CCDC171: variants seen among roughly 807,000 people sequenced by gnomAD.
The protein encoded by CCDC171 is coiled-coil domain-containing protein 171.
Under a neutral mutation model 168.2 loss-of-function variants are expected in CCDC171, and 177 were observed. That is an observed-to-expected ratio of 1.05 (90% CI 0.93 to 1.19). The LOEUF (loss-of-function observed/expected upper bound fraction) is 1.19, where lower values mean the gene tolerates loss of function less well. Among genes scored for constraint, CCDC171 ranks in the 50% most tolerant of loss-of-function variants. The pLI is 0.00. For missense variants in CCDC171, 1,991 were observed against 1,539.0 expected, an observed-to-expected ratio of 1.29 and a Z score of -4.91; for synonymous variants, 687 against 540.8, an observed-to-expected ratio of 1.27 and a Z score of -3.75.
At chr9:15,969,862 T>A (rs1478674760) in intron 25 of CCDC171, among the ~76,000 whole-genome samples, 1 of 152,172 alleles carries the variant, frequency 6.6e-6, no homozygotes, top group Non-Finnish European at 1.5e-5. Context: ...AAAATGCAGA[T>A]GTGTACACCT....
intron 21 of CCDC171, among the ~76,000 whole-genome samples, chr9:15,806,216 G>T (rs1470599117): frequency 1.3e-5 from 2 of 152,146 alleles, no homozygotes; most frequent in South Asian, 2.1e-4. Flanking sequence ...TTCAATTGGG[G>T]CATTTAGCCC....
intron 18 of CCDC171, among the ~76,000 whole-genome samples, chr9:15,760,938 C>T (rs1297725168): frequency 1.3e-5 from 2 of 152,102 alleles, no homozygotes; most frequent in Non-Finnish European, 2.9e-5. Flanking sequence ...AGATCATTTA[C>T]CTCAAACAGG....
At chr9:15,878,286 C>G (rs1818130365) in intron 24 of CCDC171, among the ~76,000 whole-genome samples, 1 of 151,608 alleles carries the variant, frequency 6.6e-6, no homozygotes, top group Admixed American at 6.6e-5. Flanking sequence ...CGAGAAAAAA[C>G]CAACCCCATT....
At chr9:15,683,898 C>G (rs944213028) in intron 10 of CCDC171, among the ~76,000 whole-genome samples, 2 of 151,904 alleles carry the variant, frequency 1.3e-5, no homozygotes, top group Non-Finnish European at 2.9e-5. Context: ...ATTGTCAAAG[C>G]TAAGTAAAGA....
chr9:15,633,169 A>C (rs1336473188), intron 7 of CCDC171, among the ~76,000 whole-genome samples: 1 of 152,232 alleles, frequency 6.6e-6, no homozygotes, highest in Non-Finnish European at 1.5e-5. Context: ...AAAATTGACA[A>C]ATGGGATCTA....
intron 3 of CCDC171, among the ~76,000 whole-genome samples, chr9:15,988,752 T>G (rs186783897): frequency 1.6e-4 from 25 of 152,216 alleles, no homozygotes; most frequent in Non-Finnish European, 3.1e-4. Flanking sequence ...TTTCCAATGG[T>G]CTTAGCAAAC....
intron 1 of CCDC171, among the ~76,000 whole-genome samples, chr9:15,561,323 A>G (rs1367101187): frequency 1.3e-5 from 2 of 152,214 alleles, no homozygotes; most frequent in Non-Finnish European, 2.9e-5. Flanking sequence ...TTTGTTCACA[A>G]GTAATGATCA....
chr9:15,607,642 T>C (rs1183783789), intron 6 of CCDC171, among the ~76,000 whole-genome samples: 4 of 152,090 alleles, frequency 2.6e-5, no homozygotes, highest in Non-Finnish European at 4.4e-5. Context: ...TTGCATTTTT[T>C]AGTAGAGACG....
chr9:15,576,886 G>T (rs2040712862), intron 3 of CCDC171, among the ~76,000 whole-genome samples: 1 of 152,156 alleles, frequency 6.6e-6, no homozygotes, highest in Non-Finnish European at 1.5e-5. Flanking sequence ...GGTGGCTCTT[G>T]CAAATCCTCC....
At chr9:16,095,489 A>G in the CCDC171 span, among the ~76,000 whole-genome samples, 1 of 150,638 alleles carries the variant, frequency 6.6e-6, no homozygotes, top group South Asian at 2.1e-4. Context: ...CGTTTTCTCT[A>G]TATCTCTCTT....
At chr9:15,656,320 T>C (rs2047928627) in intron 7 of CCDC171, among the ~76,000 whole-genome samples, 1 of 141,936 alleles carries the variant, frequency 7.0e-6, no homozygotes, top group Non-Finnish European at 1.5e-5. Flanking sequence ...AGACTCCGTC[T>C]CAAAAAAAAA....
At chr9:15,644,272 A>G (rs2046864541) in intron 7 of CCDC171, among the ~76,000 whole-genome samples, 1 of 152,160 alleles carries the variant, frequency 6.6e-6, no homozygotes, top group Admixed American at 6.5e-5. Context: ...TTGGTCCAAG[A>G]TGGCCGAATA....
At position 15,666,417 on chromosome 9, in the gene CCDC171, C is replaced by G. The variant is rs555438709; in HGVS notation, c.1076+94C>G. The G allele has an allele frequency of 1.2e-5, 10 of 816,842 alleles. No homozygotes were observed. The East Asian group carries it at 2.2e-4, about 18-fold the overall frequency. The allele number at this position is 816,842 out of a possible 1,614,324, so 50.6% of individuals were successfully genotyped here. On this transcript the variant is annotated intron_variant, in intron 9 of 25. Transcript: ENST00000380701. ...TGTATACTATGTATTTTAGATATAG[C>G]TCCCATTAATGTCAGTGGTAGACTG...
At chr9:15,906,132 C>T (rs963429354) in intron 24 of CCDC171, among the ~76,000 whole-genome samples, 1 of 152,176 alleles carries the variant, frequency 6.6e-6, no homozygotes, top group African/African-American at 2.4e-5. Flanking sequence ...GAAACTATTC[C>T]AATCAATAGA....
chr9:15,665,653 C>T (rs551640693), intron 8 of CCDC171, among the ~76,000 whole-genome samples: 130 of 152,206 alleles, frequency 8.5e-4, no homozygotes, highest in African/African-American at 2.9e-3. Context: ...TGGTGGTGTG[C>T]ACCTGTAGTC....
the CCDC171 span, among the ~76,000 whole-genome samples, chr9:16,094,824 C>T: frequency 6.6e-6 from 1 of 152,178 alleles, no homozygotes; most frequent in Middle Eastern, 3.2e-3. Flanking sequence ...TAGATTTGGG[C>T]AGGGACACAG....
intron 1 of CCDC171, among the ~76,000 whole-genome samples, chr9:15,562,602 C>G (rs1354389205): frequency 1.3e-5 from 2 of 152,034 alleles, no homozygotes; most frequent in Non-Finnish European, 2.9e-5. Context: ...ACTTCTCTGC[C>G]CAATATACGA....
chr9:15,811,389 C>A (rs2059349737), intron 21 of CCDC171, among the ~76,000 whole-genome samples: 1 of 152,092 alleles, frequency 6.6e-6, no homozygotes, highest in East Asian at 1.9e-4. Context: ...AAAAGTGGAA[C>A]AAATTAAAGG....
At chr9:15,614,490 T>G (rs2043942662) in intron 6 of CCDC171, among the ~76,000 whole-genome samples, 1 of 152,186 alleles carries the variant, frequency 6.6e-6, no homozygotes, top group Admixed American at 6.5e-5. Flanking sequence ...TTACTGCAAG[T>G]TTTTGGTTAA....
Sources: allele counts gnomAD v4.1 joint callset (sites outside exome capture counted in the v4.1 genomes callset), GRCh38; gene constraint gnomAD v4.1.1; transcripts MANE v1.5; gene names NCBI Gene and HGNC (gene_info 2026-07-23, HGNC 2026-07-21).